PCDH15: variants seen among roughly 807,000 people sequenced by gnomAD.
PCDH15 encodes the protein protocadherin related 15, also known as protocadherin-15.
Under a neutral mutation model 178.5 loss-of-function variants are expected in PCDH15, and 129 were observed. The ratio of observed to expected loss-of-function variants is 0.72; its 90% CI spans 0.63 to 0.84. The LOEUF (loss-of-function observed/expected upper bound fraction) is 0.84, where lower values mean the gene tolerates loss of function less well. Among genes scored for constraint, PCDH15 ranks in the 40% least tolerant of loss-of-function variants. The pLI, the probability that PCDH15 is intolerant of heterozygous loss-of-function variation, is 0.00. For synonymous variants in PCDH15, 800 were observed against 732.0 expected (o/e 1.09, Z -1.50); for missense variants, 2,230 against 2,099.9 (o/e 1.06, Z -1.21).
intron 1 of PCDH15, among the ~76,000 whole-genome samples, chr10:55,170,892 AAAAAAG>A (rs921105732): frequency 3.9e-5 from 6 of 152,188 alleles, no homozygotes; most frequent in African/African-American, 1.4e-4. Context: ...AAAAAAAAGA[AAAAAAG>A]AAAAAGAAAA....
chr10:55,035,138 T>G (rs1187782183), intron 2 of PCDH15, among the ~76,000 whole-genome samples: 1 of 151,750 alleles, frequency 6.6e-6, no homozygotes, highest in African/African-American at 2.4e-5. Flanking sequence ...GATCAAGGTA[T>G]GTAATCTAAA....
intron 21 of PCDH15, among the ~76,000 whole-genome samples, chr10:53,987,314 C>CA (rs560617605): frequency 1.6e-4 from 24 of 148,226 alleles, no homozygotes; most frequent in East Asian, 5.9e-4. Flanking sequence ...TAAGTATAAG[C>CA]AAAAAAAAAG....
intron 1 of PCDH15, among the ~76,000 whole-genome samples, chr10:54,721,599 T>G (rs1194852757): frequency 6.6e-6 from 1 of 151,844 alleles, no homozygotes; most frequent in Non-Finnish European, 1.5e-5. Context: ...AACACCTTTA[T>G]GTGCATAATC....
At chr10:53,904,358 T>G (rs908291474) in intron 25 of PCDH15, among the ~76,000 whole-genome samples, 17 of 152,182 alleles carry the variant, frequency 1.1e-4, no homozygotes, top group African/African-American at 3.9e-4. Flanking sequence ...CTGTACAATT[T>G]TAAGTAATTA....
intron 2 of PCDH15, among the ~76,000 whole-genome samples, chr10:55,329,980 C>T (rs1052957717): frequency 8.6e-5 from 13 of 151,756 alleles, no homozygotes; most frequent in Admixed American, 3.3e-4. Flanking sequence ...TACTGAGTCA[C>T]ATTACTTTCT....
chr10:54,575,476 A>T (rs2090370789), intron 2 of PCDH15, among the ~76,000 whole-genome samples: 1 of 152,196 alleles, frequency 6.6e-6, no homozygotes, highest in Non-Finnish European at 1.5e-5. Flanking sequence ...AGAATATGAG[A>T]TTACAAAGAA....
intron 21 of PCDH15, among the ~76,000 whole-genome samples, chr10:53,993,663 AAG>A (rs1285578233): frequency 1.3e-5 from 2 of 152,220 alleles, no homozygotes; most frequent in African/African-American, 4.8e-5. Context: ...ATTTAAAAAA[AAG>A]TAATTATGTA....
In PCDH15 at chr10:55,581,177, C is replaced by T. The variant is rs562407138; in HGVS notation, c.-156+46448G>A. Reference sequence around the variant, plus strand: ...TCAGCAGTGCTTTTAGGAAAGTAAACATACAGGAGACTTTTTTAAATGTTT... The same window carrying T: ...TCAGCAGTGCTTTTAGGAAAGTAAATATACAGGAGACTTTTTTAAATGTTT... On this transcript the variant is annotated intron_variant, in intron 2 of 5. Transcript: ENST00000613346. 2.3e-3 allele frequency among the ~76,000 whole-genome samples: 357 copies of T among 152,178 alleles called. 1 individual carries two copies. Among genetic ancestry groups the T allele is most frequent in the African/African-American group, 8.1e-3 (338 of 41,526 alleles).
At chr10:54,379,534 A>T (rs1948916546) in intron 3 of PCDH15, among the ~76,000 whole-genome samples, 1 of 152,112 alleles carries the variant, frequency 6.6e-6, no homozygotes, top group South Asian at 2.1e-4. Context: ...ACTCTACTAG[A>T]ACAACGCACT....
intron 2 of PCDH15, among the ~76,000 whole-genome samples, chr10:55,163,889 G>T (rs1471828280): frequency 1.3e-5 from 2 of 152,228 alleles, no homozygotes; most frequent in South Asian, 2.1e-4. Flanking sequence ...GCATGATCAA[G>T]AAATAACTGT....
chr10:54,716,525 G>A (rs541133383), intron 1 of PCDH15, among the ~76,000 whole-genome samples: 3 of 152,120 alleles, frequency 2.0e-5, no homozygotes, highest in East Asian at 3.9e-4. Flanking sequence ...TGAAGCAATT[G>A]TGAATGGGAG....
chr10:55,027,946 A>T (rs1006553681), intron 2 of PCDH15, among the ~76,000 whole-genome samples: 2 of 151,892 alleles, frequency 1.3e-5, no homozygotes, highest in Non-Finnish European at 2.9e-5. Flanking sequence ...ATAGAATGTT[A>T]CTTTGATATT....
intron 9 of PCDH15, among the ~76,000 whole-genome samples, chr10:54,217,862 G>A (rs914993831): frequency 1.3e-5 from 2 of 152,146 alleles, no homozygotes; most frequent in South Asian, 4.1e-4. Flanking sequence ...TAGCAAGAAA[G>A]AATTCCGAGA....
intron 2 of PCDH15, among the ~76,000 whole-genome samples, chr10:55,492,838 A>G (rs573501433): frequency 1.3e-5 from 2 of 151,946 alleles, no homozygotes; most frequent in African/African-American, 4.8e-5. Flanking sequence ...GTAATGTCTT[A>G]CAAAATATAT....
chr10:55,177,020 G>A (rs571590011), intron 1 of PCDH15, among the ~76,000 whole-genome samples: 65 of 152,238 alleles, frequency 4.3e-4, no homozygotes, highest in African/African-American at 1.5e-3. Context: ...AGGGGTATAA[G>A]GCTCTTCTTA....
At chr10:54,672,843 T>C (rs1183974609) in intron 1 of PCDH15, among the ~76,000 whole-genome samples, 1 of 152,144 alleles carries the variant, frequency 6.6e-6, no homozygotes, top group African/African-American at 2.4e-5. Context: ...CTCAGTCATA[T>C]TACTTTACTT....
chr10:54,555,760 GA>G (rs1368187043), intron 2 of PCDH15, among the ~76,000 whole-genome samples: 2 of 137,932 alleles, frequency 1.4e-5, no homozygotes, highest in Non-Finnish European at 3.2e-5. Context: ...AAAAAGAAAA[GA>G]AAAGAAAAAA....
intron 25 of PCDH15, among the ~76,000 whole-genome samples, chr10:53,933,934 G>A (rs1212239608): frequency 6.6e-6 from 1 of 152,124 alleles, no homozygotes; most frequent in East Asian, 1.9e-4. Context: ...GTGATGATGA[G>A]CATTTTTTCA....
intron 3 of PCDH15, among the ~76,000 whole-genome samples, chr10:54,846,505 C>CT (rs1462793370): frequency 6.6e-6 from 1 of 152,068 alleles, no homozygotes; most frequent in Non-Finnish European, 1.5e-5. Context: ...GAGGTAAGGT[C>CT]TTTGAGGCAG....
Sources: allele counts gnomAD v4.1 joint callset (sites outside exome capture counted in the v4.1 genomes callset), GRCh38; gene constraint gnomAD v4.1.1; transcripts MANE v1.5; gene names NCBI Gene and HGNC (gene_info 2026-07-23, HGNC 2026-07-21).